Variants in NEDD9 observed in about 807,000 individuals in gnomAD.
NEDD9 encodes neural precursor cell expressed, developmentally down-regulated 9.
A neutral mutation model predicts 76.6 loss-of-function variants in NEDD9; 26 were observed. That is an observed-to-expected ratio of 0.34 (90% CI 0.25 to 0.47). NEDD9 has a LOEUF of 0.47. Ranked by LOEUF, NEDD9 falls within the 20% of genes least tolerant of loss-of-function variation. The pLI, the probability that NEDD9 is intolerant of heterozygous loss-of-function variation, is 1.00. For synonymous variants in NEDD9, 392 were observed against 414.2 expected (o/e 0.95, Z 0.65); for missense variants, 937 against 1,058.5 (o/e 0.89, Z 1.59).
At chr6:11,319,706 A>G (rs1355894024) in intron 2 of NEDD9, among the ~76,000 whole-genome samples, 1 of 149,552 alleles carries the variant, frequency 6.7e-6, no homozygotes, top group Non-Finnish European at 1.5e-5. Flanking sequence ...ACAAACATGC[A>G]CACACAAACA....
At chr6:11,262,503 T>A (rs903635388) in intron 3 of NEDD9, among the ~76,000 whole-genome samples, 1 of 152,196 alleles carries the variant, frequency 6.6e-6, no homozygotes, top group African/African-American at 2.4e-5. Flanking sequence ...AACATAGGCT[T>A]TGTTCACTTC....
intron 3 of NEDD9, 108 bp from the exon 4 acceptor site, chr6:11,192,554 C>T (rs536118585): frequency 1.5e-4 from 113 of 738,864 alleles, no homozygotes; most frequent in Non-Finnish European, 2.4e-4. Flanking sequence ...TATGTACAAG[C>T]TTGATCTTTG....
chr6:11,271,097 T>A (rs1679974685), intron 3 of NEDD9, among the ~76,000 whole-genome samples: 1 of 152,210 alleles, frequency 6.6e-6, no homozygotes, highest in Non-Finnish European at 1.5e-5. Context: ...ACAGTGGTGC[T>A]ATCATAGCTC....
At chr6:11,319,355 T>A (rs1369460273) in intron 2 of NEDD9, among the ~76,000 whole-genome samples, 1 of 151,546 alleles carries the variant, frequency 6.6e-6, no homozygotes, top group African/African-American at 2.4e-5. Flanking sequence ...ACATGCACAC[T>A]CACATGCACA....
In NEDD9 at chr6:11,190,226, G is replaced by A; in HGVS notation, c.1643C>T (p.Thr548Ile). The A allele has an allele frequency of 6.2e-7, 1 of 1,614,214 alleles. No homozygotes were observed. The highest frequency in any genetic ancestry group is 1.3e-5 in the African/African-American group (1 of 75,046). ...VPDDAKQLTT[T>I]INTNAEALFR... ...GAGGGCCTCTGCGTTGGTGTTGATG[G>A]TTGTGGTGAGCTGCTTGGCGTCATC... Residue 548 changes from threonine to isoleucine, a missense_variant, in exon 5 of 7, where the codon ACC becomes ATC. Thr to Ile is a moderately conservative substitution (Grantham distance 89, BLOSUM62 -1). Coordinates refer to ENST00000379446, the MANE Select transcript of NEDD9 (RefSeq NM_006403.4). The surrounding 1 kb of genome is among the most constrained non-coding windows in gnomAD (Gnocchi z 5.8).
intron 1 of NEDD9, among the ~76,000 whole-genome samples, chr6:11,337,672 C>T (rs547461727): frequency 2.6e-5 from 4 of 152,302 alleles, no homozygotes; most frequent in East Asian, 1.9e-4. Flanking sequence ...TGTCCAACTC[C>T]GTCCCTGGCT....
At chr6:11,334,336 G>C (rs1473493674) in intron 2 of NEDD9, among the ~76,000 whole-genome samples, 3 of 152,182 alleles carry the variant, frequency 2.0e-5, no homozygotes, top group Non-Finnish European at 4.4e-5. Context: ...ATTTTTTACA[G>C]TGAGTATGTA....
intron 1 of NEDD9, among the ~76,000 whole-genome samples, chr6:11,375,328 G>T (rs1762953782): frequency 6.6e-6 from 1 of 152,192 alleles, no homozygotes; most frequent in Non-Finnish European, 1.5e-5. Context: ...TCCCAAACAG[G>T]CAGAAATTGA....
rs562838125 is a variant in NEDD9 at position 11,293,140 on chromosome 6, T to C, written c.12+12852A>G. ...GCTGTAAAAAGGGGAAGGGAACAAA[T>C]GCTTTTTAAATGCCTTCTTTGTGTC... is the stretch of plus-strand genomic sequence containing the variant. On this transcript the variant is annotated intron_variant, in intron 3 of 3. Coordinates refer to the NEDD9 transcript ENST00000397378. 5.3e-5 allele frequency among the ~76,000 whole-genome samples: 8 copies of C among 152,110 alleles called. 1 individual carries two copies. In the South Asian group the frequency reaches 1.2e-3, roughly 24 times the overall value.
intron 3 of NEDD9, among the ~76,000 whole-genome samples, chr6:11,305,665 T>C (rs934944347): frequency 6.6e-6 from 1 of 152,234 alleles, no homozygotes; most frequent in Non-Finnish European, 1.5e-5. Flanking sequence ...AATCAGCTTC[T>C]GAATGAATAG....
chr6:11,213,309 C>A lies in NEDD9; in HGVS notation c.431G>T (p.Gly144Val), dbSNP rs752835134. 6.2e-7 allele frequency: 1 copy of A among 1,607,992 alleles called. No homozygotes were observed. The highest frequency in any genetic ancestry group is 8.5e-7 in the Non-Finnish European group (1 of 1,175,086). ...VPPSVQRSIG[G>V]TSGPHVGKKV... ...TTTACCCACGTGGGGCCCACTGGTT[C>A]CCCCAATGCTTCTCTGCACTGATGG... The change falls in exon 2 of 7, where the codon GGA becomes GTA. Residue 144 changes from glycine to valine, a missense_variant. Coordinates refer to ENST00000379446, the MANE Select transcript of NEDD9 (RefSeq NM_006403.4). This position sits in a 1 kb window ranked among gnomAD's most constrained non-coding sequence, Gnocchi z 5.4.
rs1351158974 is a variant in NEDD9 at position 11,184,745 on chromosome 6, G to C, written c.*417C>G. 1.9e-5 allele frequency: 3 copies of C among 160,232 alleles called. No individual in the cohort carries two copies. Among genetic ancestry groups the C allele is most frequent in the African/African-American group, 7.2e-5 (3 of 41,484 alleles). The allele number at this position is 160,232 out of a possible 1,614,324, so 9.9% of individuals were successfully genotyped here. ...GGCTCAGAATCATCACAAGGACGTG[G>C]AGAACAATATTATAACCAGCTGGTA... is the stretch of plus-strand genomic sequence containing the variant. On this transcript the variant is annotated 3_prime_UTR_variant, in exon 7 of 7. Transcript: ENST00000379446.
intron 1 of NEDD9, among the ~76,000 whole-genome samples, chr6:11,364,487 T>G (rs930482194): frequency 2.0e-5 from 3 of 152,174 alleles, no homozygotes; most frequent in Non-Finnish European, 2.9e-5. Flanking sequence ...ATCTCCATTT[T>G]AAGGTGAGGA....
chr6:11,354,536 G>A (rs920375196), intron 1 of NEDD9, among the ~76,000 whole-genome samples: 1 of 152,178 alleles, frequency 6.6e-6, no homozygotes, highest in Non-Finnish European at 1.5e-5. Flanking sequence ...GGAAGACATG[G>A]AGCTGCATGC....
chr6:11,310,669 A>T (rs1404241889), intron 2 of NEDD9, among the ~76,000 whole-genome samples: 1 of 152,190 alleles, frequency 6.6e-6, no homozygotes, highest in Non-Finnish European at 1.5e-5. Context: ...AATGGGGCCT[A>T]GTCTAGAAAC....
chr6:11,332,112 G>A (rs1387135672), intron 2 of NEDD9, among the ~76,000 whole-genome samples: 2 of 152,328 alleles, frequency 1.3e-5, no homozygotes, highest in East Asian at 1.9e-4. Context: ...GTAACAGTGA[G>A]CATCATTTGA....
chr6:11,323,852 T>G (rs527609537), intron 2 of NEDD9, among the ~76,000 whole-genome samples: 25 of 152,222 alleles, frequency 1.6e-4, no homozygotes, highest in Non-Finnish European at 3.5e-4. Context: ...ATGTTCAACA[T>G]AGCTAGTTTC....
At chr6:11,368,195 G>C (rs747162525) in intron 1 of NEDD9, among the ~76,000 whole-genome samples, 2 of 152,254 alleles carry the variant, frequency 1.3e-5, no homozygotes, top group African/African-American at 4.8e-5. Context: ...CCAGGGCTGG[G>C]GGGTACCCAG....
At chr6:11,215,048 G>A (rs746532624) in intron 1 of NEDD9, among the ~76,000 whole-genome samples, 11 of 152,046 alleles carry the variant, frequency 7.2e-5, no homozygotes, top group Non-Finnish European at 1.0e-4. Flanking sequence ...TGCACTACTC[G>A]CGTCCCCTTG....
Sources: allele counts gnomAD v4.1 joint callset (sites outside exome capture counted in the v4.1 genomes callset), GRCh38; gene constraint gnomAD v4.1.1; non-coding constraint Gnocchi (gnomAD v3.1); transcripts MANE v1.5; gene names NCBI Gene and HGNC (gene_info 2026-07-23, HGNC 2026-07-21).